NVL: variants seen among roughly 807,000 people sequenced by gnomAD.
NVL encodes nuclear valosin-containing protein-like.
A neutral mutation model predicts 110.2 loss-of-function variants in NVL; 84 were observed. That is an observed-to-expected ratio of 0.76 (90% CI 0.64 to 0.91). NVL has a LOEUF of 0.91. Ranked by LOEUF, NVL falls within the 40% of genes least tolerant of loss-of-function variation. The probability of loss-of-function intolerance (pLI) is 0.00; values close to 1 mark genes in which losing one functional copy is unlikely to be tolerated. For synonymous variants in NVL, 354 were observed against 361.1 expected, an observed-to-expected ratio of 0.98 and a Z score of 0.22; for missense variants, 882 against 1,035.9, an observed-to-expected ratio of 0.85 and a Z score of 2.04.
chr1:224,301,062 C>T (rs1055075586), intron 9 of NVL, among the ~76,000 whole-genome samples: 2 of 151,128 alleles, frequency 1.3e-5, no homozygotes, highest in South Asian at 2.1e-4. Flanking sequence ...GCCGAGATCG[C>T]GCCATTGCAC....
At chr1:224,238,416 C>A (rs1256843118) in intron 19 of NVL, among the ~76,000 whole-genome samples, 1 of 152,218 alleles carries the variant, frequency 6.6e-6, no homozygotes, top group East Asian at 1.9e-4. Flanking sequence ...AGGACTGGAG[C>A]TGCCGGCCTT....
chr1:224,245,657 C>T (rs1661720831), intron 19 of NVL, among the ~76,000 whole-genome samples: 1 of 152,094 alleles, frequency 6.6e-6, no homozygotes, highest in African/African-American at 2.4e-5. Context: ...AAACCACAAT[C>T]TACAAAAGTT....
intron 22 of NVL, among the ~76,000 whole-genome samples, chr1:224,230,319 T>C (rs1659728088): frequency 6.6e-6 from 1 of 152,200 alleles, no homozygotes; most frequent in African/African-American, 2.4e-5. Flanking sequence ...ATTCTGAGAT[T>C]GTGGGCTGGG....
intron 20 of NVL, 115 bp from the exon 21 acceptor site, chr1:224,233,404 C>T: frequency 3.2e-6 from 2 of 630,348 alleles, no homozygotes; most frequent in East Asian, 3.1e-5. Context: ...GAAAAAGTGA[C>T]CAATAAAGAT....
intron 21 of NVL, among the ~76,000 whole-genome samples, chr1:224,231,655 T>G (rs576738391): frequency 6.6e-6 from 1 of 152,314 alleles, no homozygotes; most frequent in South Asian, 2.1e-4. Context: ...TTTAAGAGTA[T>G]GCAACACACA....
chr1:224,295,591 A>G (rs1667799556), intron 11 of NVL, among the ~76,000 whole-genome samples: 1 of 152,020 alleles, frequency 6.6e-6, no homozygotes, highest in Non-Finnish European at 1.5e-5. Flanking sequence ...AGATAAAAAT[A>G]AAACAGAATC....
intron 15 of NVL, among the ~76,000 whole-genome samples, chr1:224,281,690 C>T (rs1400536342): frequency 3.3e-5 from 5 of 151,442 alleles, no homozygotes; most frequent in Admixed American, 6.6e-5. Context: ...TGCGGTGACT[C>T]GCCTGTAATC....
intron 18 of NVL, among the ~76,000 whole-genome samples, chr1:224,252,770 C>T (rs1469368709): frequency 6.6e-6 from 1 of 152,206 alleles, no homozygotes; most frequent in Admixed American, 6.5e-5. Context: ...CTCTACAGAG[C>T]AGAGGTTGTC....
At chr1:224,291,826 A>G (rs1667408096) in intron 12 of NVL, among the ~76,000 whole-genome samples, 1 of 152,220 alleles carries the variant, frequency 6.6e-6, no homozygotes, top group Non-Finnish European at 1.5e-5. Context: ...AAAATGGCTA[A>G]CAGAAAATAA....
At position 224,289,697 on chromosome 1, in the gene NVL, A is replaced by G. The variant is rs1252006004; in HGVS notation, c.1362T>C (p.Pro454=). The G allele has an allele frequency of 6.2e-7, 1 of 1,614,204 alleles. No homozygotes were observed. The highest frequency in any genetic ancestry group is 2.2e-5 in the East Asian group (1 of 44,894). Residue 454 remains proline, a synonymous_variant, in exon 13 of 23, where the codon CCT becomes CCC. Transcript: ENST00000281701. ...LQTLCRKLRL[P]QAFDFCHLAH... ...CTAAGTGACAGAAATCAAAAGCTTG[A>G]GGAAGCCTCAGTTTTCTGCACAATG... is the stretch of plus-strand genomic sequence containing the variant.
intron 16 of NVL, 42 bp downstream of exon 16, chr1:224,281,081 C>G (rs543667235): frequency 6.5e-7 from 1 of 1,537,616 alleles, no homozygotes; most frequent in African/African-American, 1.4e-5. Flanking sequence ...ATGACCATTA[C>G]TTTTTCTAAT....
At chr1:224,273,451 T>A (rs1379088549) in intron 17 of NVL, among the ~76,000 whole-genome samples, 1 of 151,134 alleles carries the variant, frequency 6.6e-6, no homozygotes, top group Admixed American at 6.6e-5. Context: ...GCAGTAGACA[T>A]CCAAGAAACA....
intron 19 of NVL, among the ~76,000 whole-genome samples, chr1:224,240,548 A>G (rs1253032686): frequency 2.0e-5 from 3 of 152,136 alleles, no homozygotes; most frequent in African/African-American, 7.2e-5. Flanking sequence ...AATGGGAGCA[A>G]TTGTCAGCTT....
chr1:224,314,701 T>G (rs1219466719), intron 4 of NVL, among the ~76,000 whole-genome samples: 1 of 152,158 alleles, frequency 6.6e-6, no homozygotes, highest in African/African-American at 2.4e-5. Context: ...AAGAACACTT[T>G]CCCACTAATA....
chr1:224,310,178 CAAAA>C (rs1230097656), intron 5 of NVL, among the ~76,000 whole-genome samples: 8 of 39,208 alleles, frequency 2.0e-4, no homozygotes, highest in Admixed American at 5.5e-4. Context: ...GACTCCCTCG[CAAAA>C]AAAAAAAAAA....
intron 20 of NVL, among the ~76,000 whole-genome samples, chr1:224,235,810 G>A (rs1191026915): frequency 1.3e-5 from 2 of 151,882 alleles, no homozygotes; most frequent in Non-Finnish European, 2.9e-5. Flanking sequence ...GCATGCACCT[G>A]TAGTCCCAGC....
intron 14 of NVL, 141 bp from the exon 15 acceptor site, chr1:224,286,271 T>A (rs899005582): frequency 3.2e-6 from 2 of 624,524 alleles, no homozygotes; most frequent in African/African-American, 3.7e-5. Flanking sequence ...AGTGGTGCTA[T>A]CTTGGCTCAC....
At chr1:224,246,861 C>G (rs1571813990) in intron 19 of NVL, among the ~76,000 whole-genome samples, 1 of 151,828 alleles carries the variant, frequency 6.6e-6, no homozygotes, top group African/African-American at 2.4e-5. Context: ...CATGGTAAAA[C>G]CCCGTCTCTA....
At chr1:224,282,706 C>T (rs1395536456) in intron 15 of NVL, among the ~76,000 whole-genome samples, 1 of 152,194 alleles carries the variant, frequency 6.6e-6, no homozygotes, top group African/African-American at 2.4e-5. Context: ...AGCAACACCA[C>T]TTGGATTGCA....
Sources: gnomAD v4.1 joint callset for allele counts (sites outside exome capture counted in the v4.1 genomes callset) on GRCh38, gnomAD v4.1.1 for gene constraint, MANE v1.5 for transcripts, NCBI Gene and HGNC (gene_info 2026-07-23, HGNC 2026-07-21) for gene names.